Variants in HHIPL1 observed in about 807,000 individuals in gnomAD.
HHIPL1 encodes HHIP like 1, also known as HHIP-like protein 1.
In HHIPL1, 43 loss-of-function variants were observed where a neutral mutation model predicts 61.8. The ratio of observed to expected loss-of-function variants is 0.70; its 90% confidence interval spans 0.55 to 0.90. The LOEUF is 0.90. HHIPL1 is among the 40% of genes least tolerant of loss of function. The pLI, the probability that HHIPL1 is intolerant of heterozygous loss-of-function variation, is 0.00. For missense variants in HHIPL1, 1,056 were observed against 1,157.7 expected, an observed-to-expected ratio of 0.91 and a Z score of 1.28; for synonymous variants, 482 against 515.8, an observed-to-expected ratio of 0.93 and a Z score of 0.89.
chr14:99,640,874 C>CTTTTTTTT (rs1178661799), upstream of HHIPL1, among the ~76,000 whole-genome samples: 1 of 93,972 alleles, frequency 1.1e-5, no homozygotes, highest in African/African-American at 4.2e-5. Context: ...TTTACTTCTT[C>CTTTTTTTT]TTCTTTTTTT....
At chr14:99,624,398 A>T in the HHIPL1 span, among the ~76,000 whole-genome samples, 1 of 152,206 alleles carries the variant, frequency 6.6e-6, no homozygotes, top group East Asian at 1.9e-4. Context: ...TGGTGGGGAC[A>T]GAAGGAGCTG....
At chr14:99,614,632 G>C in the HHIPL1 span, among the ~76,000 whole-genome samples, 48 of 152,280 alleles carry the variant, frequency 3.2e-4, no homozygotes, top group African/African-American at 1.1e-3. Flanking sequence ...CTTGTTTGTT[G>C]GCATCAGGCT....
chr14:99,657,268 C>T, intron 3 of HHIPL1, 125 bp downstream of exon 3: 1 of 1,128,382 alleles, frequency 8.9e-7, no homozygotes, highest in South Asian at 1.4e-5. Flanking sequence ...TTCTGGGTCC[C>T]AGCTCAGCCT....
At chr14:99,627,511 C>T in the HHIPL1 span, among the ~76,000 whole-genome samples, 8 of 152,206 alleles carry the variant, frequency 5.3e-5, no homozygotes, top group Non-Finnish European at 1.0e-4. This position sits in a 1 kb window ranked among gnomAD's most constrained non-coding sequence, Gnocchi z 4.4. Flanking sequence ...ACATTCTGTG[C>T]CAGGTGCCAG....
chr14:99,669,315 G>A, intron 7 of HHIPL1: 1 of 1,022,958 alleles, frequency 9.8e-7, no homozygotes, highest in Non-Finnish European at 1.2e-6. Flanking sequence ...TTCTCTGCTG[G>A]CTTCCACAGC....
chr14:99,621,937 G>A, the HHIPL1 span, among the ~76,000 whole-genome samples: 6 of 151,804 alleles, frequency 4.0e-5, no homozygotes, highest in Admixed American at 2.0e-4. Context: ...GGATAGTCTC[G>A]ATCTCCTGAC....
At chr14:99,609,079 C>G in the HHIPL1 span, among the ~76,000 whole-genome samples, 4 of 152,228 alleles carry the variant, frequency 2.6e-5, no homozygotes, top group Non-Finnish European at 5.9e-5. Context: ...CCTCCTGCTT[C>G]AGGCTTTTCC....
At chr14:99,612,091 A>G in the HHIPL1 span, among the ~76,000 whole-genome samples, 3 of 152,216 alleles carry the variant, frequency 2.0e-5, no homozygotes. Context: ...TGGGTAATTT[A>G]CAAAGGAAAG....
the HHIPL1 span, among the ~76,000 whole-genome samples, chr14:99,622,757 G>A: frequency 3.6e-4 from 55 of 152,210 alleles, no homozygotes; most frequent in African/African-American, 1.2e-3. Flanking sequence ...AAAGAGCCCA[G>A]GCCTGGGATT....
chr14:99,661,409 G>C (rs2056149416), intron 5 of HHIPL1, among the ~76,000 whole-genome samples: 1 of 145,850 alleles, frequency 6.9e-6, no homozygotes. Context: ...AAGAAAGAGA[G>C]AGAGAGAGAA....
chr14:99,659,132 A>T (rs1595158354), intron 3 of HHIPL1, among the ~76,000 whole-genome samples: 1 of 152,202 alleles, frequency 6.6e-6, no homozygotes, highest in East Asian at 1.9e-4. Flanking sequence ...TCATACTAGG[A>T]CACACCTACC....
chr14:99,659,662 G>A lies in HHIPL1; in HGVS notation c.1281G>A (p.Glu427=). 3 of 1,541,442 alleles carry A rather than the reference G, an allele frequency of 1.9e-6. No homozygotes were observed. Among genetic ancestry groups the A allele is most frequent in the African/African-American group, 1.4e-5 (1 of 71,124 alleles). ...ACGTGGGCCAGAACAAGTTCGAGGA[G>A]GTGGACGTGGTGGAGCGCGGCGGCA... ...CGDVGQNKFE[E]VDVVERGGNY... is the part of the protein sequence containing the mutation. The change falls in exon 4 of 9, where the codon GAG becomes GAA. Residue 427 remains glutamate (E), a synonymous_variant. Coordinates refer to ENST00000330710, the MANE Select transcript of HHIPL1 (RefSeq NM_001127258.3).
At chr14:99,667,683 T>A (rs1360272915) in intron 6 of HHIPL1, among the ~76,000 whole-genome samples, 8 of 152,136 alleles carry the variant, frequency 5.3e-5, no homozygotes. Flanking sequence ...AGGGCCCAAA[T>A]CCCGGATGAC....
At chr14:99,651,702 G>A (rs2055933256) in intron 1 of HHIPL1, among the ~76,000 whole-genome samples, 1 of 152,188 alleles carries the variant, frequency 6.6e-6, no homozygotes, top group Admixed American at 6.5e-5. Context: ...GGAGGCTGGA[G>A]AGGTGGGGAG....
the HHIPL1 span, among the ~76,000 whole-genome samples, chr14:99,604,913 T>C: frequency 6.6e-6 from 1 of 151,800 alleles, no homozygotes; most frequent in Non-Finnish European, 1.5e-5. Flanking sequence ...TCCGCCCCCG[T>C]CCCCACCCGG....
the HHIPL1 span, among the ~76,000 whole-genome samples, chr14:99,622,416 C>A: frequency 6.6e-6 from 1 of 152,212 alleles, no homozygotes; most frequent in Non-Finnish European, 1.5e-5. Context: ...CAATTTCCAT[C>A]CTGCCCAAAT....
chr14:99,624,771 T>A, the HHIPL1 span: 1 of 152,254 alleles, frequency 6.6e-6, no homozygotes, highest in South Asian at 2.1e-4. Flanking sequence ...GGAACCTACT[T>A]CAGGGAACCA....
intron 1 of HHIPL1, among the ~76,000 whole-genome samples, chr14:99,649,463 G>A (rs1013092438): frequency 3.9e-5 from 6 of 152,196 alleles, no homozygotes; most frequent in East Asian, 3.8e-4. Flanking sequence ...TTCTTGGCAC[G>A]TGGCCTTCTT....
At chr14:99,634,449 C>T in the HHIPL1 span, among the ~76,000 whole-genome samples, 3 of 152,146 alleles carry the variant, frequency 2.0e-5, no homozygotes, top group African/African-American at 7.2e-5. Context: ...GCTTTGGCTG[C>T]GGGACTTCTC....
Sources: allele counts gnomAD v4.1 joint callset (sites outside exome capture counted in the v4.1 genomes callset), GRCh38; gene constraint gnomAD v4.1.1; non-coding constraint Gnocchi (gnomAD v3.1); transcripts MANE v1.5; gene names NCBI Gene and HGNC (gene_info 2026-07-23, HGNC 2026-07-21).